Variants in MTUS2 observed in about 807,000 individuals in gnomAD.
MTUS2 encodes the protein microtubule associated scaffold protein 2, also known as microtubule-associated tumor suppressor candidate 2.
Under a neutral mutation model 114.1 loss-of-function variants are expected in MTUS2, and 40 were observed. The observed-to-expected ratio is 0.35, with a 90% CI of 0.27 to 0.46. The LOEUF is 0.46. Among genes scored for constraint, MTUS2 ranks in the 20% least tolerant of loss-of-function variants. The pLI, the probability that MTUS2 is intolerant of heterozygous loss-of-function variation, is 1.00. For synonymous variants in MTUS2, 688 were observed against 672.0 expected, an observed-to-expected ratio of 1.02 and a Z score of -0.37; for missense variants, 1,679 against 1,705.4, an observed-to-expected ratio of 0.98 and a Z score of 0.27.
chr13:29,268,801 C>G (rs1252853632), intron 5 of MTUS2, among the ~76,000 whole-genome samples: 1 of 152,188 alleles, frequency 6.6e-6, no homozygotes, highest in Non-Finnish European at 1.5e-5. Flanking sequence ...GCGATCATAG[C>G]TCACTGCAGC....
chr13:29,467,609 A>C (rs17073469), intron 9 of MTUS2, among the ~76,000 whole-genome samples: 3,517 of 152,314 alleles, frequency 0.023, 119 homozygotes, highest in African/African-American at 0.076. Context: ...TAGTGTTATT[A>C]GTTCTCACTT....
chr13:29,489,823 A>C (rs1027107680), intron 11 of MTUS2: 1 of 152,280 alleles, frequency 6.6e-6, no homozygotes, highest in Non-Finnish European at 1.5e-5. Context: ...TGTCATCTTC[A>C]GAATGGATAC....
chr13:29,490,382 G>T (rs1881973125), intron 11 of MTUS2, among the ~76,000 whole-genome samples: 1 of 152,172 alleles, frequency 6.6e-6, no homozygotes, highest in Non-Finnish European at 1.5e-5. Context: ...AGCATATGAT[G>T]CAGGCCGATT....
chr13:29,183,424 C>T (rs1209013837), intron 5 of MTUS2, among the ~76,000 whole-genome samples: 5 of 151,928 alleles, frequency 3.3e-5, no homozygotes, highest in East Asian at 1.9e-4. Context: ...CTGTTTCGGA[C>T]GTGGCTAATT....
intron 2 of MTUS2, among the ~76,000 whole-genome samples, chr13:28,949,500 A>G (rs192572613): frequency 1.5e-3 from 233 of 152,304 alleles, no homozygotes; most frequent in Non-Finnish European, 2.4e-3. Flanking sequence ...CATCTTAACA[A>G]TTTTTAACTG....
At chr13:29,389,325 G>GTGTGTA (rs1566172324) in intron 8 of MTUS2, among the ~76,000 whole-genome samples, 14 of 78,440 alleles carry the variant, frequency 1.8e-4, no homozygotes, top group South Asian at 1.6e-3. Context: ...ATACACATAT[G>GTGTGTA]TGTGTATATA....
intron 5 of MTUS2, among the ~76,000 whole-genome samples, chr13:29,182,575 G>C (rs1894052196): frequency 6.6e-6 from 1 of 152,152 alleles, no homozygotes. Flanking sequence ...TATGTGCTAG[G>C]ATCTTAGCTA....
intron 1 of MTUS2, among the ~76,000 whole-genome samples, chr13:28,826,138 AAATGT>A (rs1384846568): frequency 7.9e-5 from 12 of 152,288 alleles, no homozygotes; most frequent in African/African-American, 2.4e-4. Context: ...AGCTATTCTA[AAATGT>A]AATGTAACCA....
chr13:29,495,839 C>T (rs1882514285), intron 12 of MTUS2, among the ~76,000 whole-genome samples: 1 of 152,132 alleles, frequency 6.6e-6, no homozygotes, highest in South Asian at 2.1e-4. Flanking sequence ...CCACTGCACT[C>T]TAGCCTGGGC....
chr13:28,838,680 T>G (rs1247512193), intron 1 of MTUS2, among the ~76,000 whole-genome samples: 2 of 152,170 alleles, frequency 1.3e-5, no homozygotes, highest in African/African-American at 4.8e-5. Flanking sequence ...CTCTCACCTT[T>G]TTGTCTTCCA....
intron 8 of MTUS2, among the ~76,000 whole-genome samples, chr13:29,389,060 C>T (rs1158706863): frequency 6.6e-6 from 1 of 151,998 alleles, no homozygotes; most frequent in Non-Finnish European, 1.5e-5. Context: ...CGCTAATTAA[C>T]ATTTCATAAA....
At chr13:29,141,480 T>G (rs368951718) in intron 5 of MTUS2, among the ~76,000 whole-genome samples, 1 of 152,128 alleles carries the variant, frequency 6.6e-6, no homozygotes, top group East Asian at 1.9e-4. Context: ...ATTGCAGCCT[T>G]GTGGTTACAG....
At chr13:29,231,396 C>A (rs1410049601) in intron 5 of MTUS2, among the ~76,000 whole-genome samples, 1 of 152,194 alleles carries the variant, frequency 6.6e-6, no homozygotes, top group East Asian at 1.9e-4. Context: ...TCTTCGGTCA[C>A]ACCAAATTTC....
At chr13:29,137,536 C>T (rs2138985880) in intron 5 of MTUS2, among the ~76,000 whole-genome samples, 1 of 152,076 alleles carries the variant, frequency 6.6e-6, no homozygotes, top group East Asian at 1.9e-4. Context: ...TACTTTTCTT[C>T]AGTCTTCTTC....
chr13:29,470,076 C>G (rs1186330828), intron 9 of MTUS2, among the ~76,000 whole-genome samples: 2 of 152,104 alleles, frequency 1.3e-5, no homozygotes, highest in Non-Finnish European at 2.9e-5. Context: ...CACCTTAGTA[C>G]AGCCAAATCT....
At chr13:29,257,111 A>G (rs1018201153) in intron 5 of MTUS2, among the ~76,000 whole-genome samples, 6 of 152,182 alleles carry the variant, frequency 3.9e-5, no homozygotes, top group African/African-American at 1.4e-4. Context: ...TGTCTCATCA[A>G]CCTACTGGAC....
At chr13:29,423,256 G>A (rs533938386) in intron 8 of MTUS2, among the ~76,000 whole-genome samples, 1 of 152,294 alleles carries the variant, frequency 6.6e-6, no homozygotes, top group South Asian at 2.1e-4. Context: ...AGGACATTTT[G>A]TCTATGGGAA....
At chr13:29,300,468 A>G (rs970914717) in intron 6 of MTUS2, among the ~76,000 whole-genome samples, 1 of 152,160 alleles carries the variant, frequency 6.6e-6, no homozygotes, top group African/African-American at 2.4e-5. Flanking sequence ...GTGATTTTCA[A>G]CATTTGTATG....
intron 2 of MTUS2, among the ~76,000 whole-genome samples, chr13:28,981,465 T>C (rs1362945576): frequency 1.3e-5 from 2 of 152,270 alleles, no homozygotes; most frequent in South Asian, 4.1e-4. Flanking sequence ...CTGTTCTATA[T>C]CTTGACTATG....
Sources: allele counts gnomAD v4.1 joint callset (sites outside exome capture counted in the v4.1 genomes callset), GRCh38; gene constraint gnomAD v4.1.1; transcripts MANE v1.5; gene names NCBI Gene and HGNC (gene_info 2026-07-23, HGNC 2026-07-21).